SEMA4A: variants seen among roughly 807,000 people sequenced by gnomAD.
SEMA4A encodes the protein semaphorin-4A.
Under a neutral mutation model 72.5 loss-of-function variants are expected in SEMA4A, and 52 were observed. The ratio of observed to expected loss-of-function variants is 0.72; its 90% CI spans 0.57 to 0.90. SEMA4A has a LOEUF of 0.90. Ranked by LOEUF, SEMA4A falls within the 40% of genes least tolerant of loss-of-function variation. The pLI is 0.00. For missense variants in SEMA4A, 926 were observed against 959.7 expected, an observed-to-expected ratio of 0.96 and a Z score of 0.46; for synonymous variants, 369 against 393.1, an observed-to-expected ratio of 0.94 and a Z score of 0.73.
At chr1:156,151,533 C>T (rs1558142594), upstream of SEMA4A, among the ~76,000 whole-genome samples, 3 of 152,112 alleles carry the variant, frequency 2.0e-5, no homozygotes, top group Non-Finnish European at 4.4e-5. Context: ...TAAGCTTGCC[C>T]ATAAGGGCCA....
intron 11 of SEMA4A, among the ~76,000 whole-genome samples, chr1:156,174,381 G>C (rs1185787502): frequency 1.3e-5 from 2 of 152,184 alleles, no homozygotes; most frequent in Non-Finnish European, 2.9e-5. Flanking sequence ...AAATTACATG[G>C]CACATCATGA....
intron 10 of SEMA4A, among the ~76,000 whole-genome samples, chr1:156,168,134 G>A (rs1654354671): frequency 6.6e-6 from 1 of 152,066 alleles, no homozygotes; most frequent in African/African-American, 2.4e-5. Flanking sequence ...ATGTTGGCCA[G>A]GCTGATCTTG....
intron 10 of SEMA4A, among the ~76,000 whole-genome samples, chr1:156,171,659 C>T (rs1014631120): frequency 6.6e-6 from 1 of 152,174 alleles, no homozygotes; most frequent in Non-Finnish European, 1.5e-5. Context: ...TCACTGCAAC[C>T]TCCGCCTCCC....
rs1653563488 is a variant in SEMA4A at position 156,161,030 on chromosome 1, G to A, written c.810+1G>A. 4 of 1,541,320 alleles carry A rather than the reference G, an allele frequency of 2.6e-6. No individual in the cohort carries two copies. In the East Asian group the frequency reaches 9.8e-5, roughly 38 times the overall value. ...ATCGCGGGTGGCTAGAGTCTGCAAGGTCCGCGGCCTGGGCGGGGGGCGGGG... is the reference window on the plus strand; with the variant it reads ...ATCGCGGGTGGCTAGAGTCTGCAAGATCCGCGGCCTGGGCGGGGGGCGGGG... On this transcript the variant is annotated splice_donor_variant, in intron 8 of 14. Transcript: ENST00000368285. LOFTEE classifies it high-confidence loss of function.
At chr1:156,163,208 A>G (rs1335700874) in intron 10 of SEMA4A, 114 bp downstream of exon 10, 4 of 1,198,366 alleles carry the variant, frequency 3.3e-6, no homozygotes, top group Non-Finnish European at 3.6e-6. Flanking sequence ...CACCCCACCA[A>G]TCTCGCCTGC....
intron 10 of SEMA4A, among the ~76,000 whole-genome samples, chr1:156,167,961 C>A (rs951088633): frequency 6.6e-6 from 1 of 152,134 alleles, no homozygotes; most frequent in Non-Finnish European, 1.5e-5. Flanking sequence ...CACTCTGTTG[C>A]CCAGGCTGGA....
chr1:156,167,403 T>C (rs1372807284), intron 10 of SEMA4A, among the ~76,000 whole-genome samples: 3 of 141,584 alleles, frequency 2.1e-5, no homozygotes, highest in African/African-American at 8.0e-5. Flanking sequence ...AGTAGGAGGA[T>C]CACTTGAGCC....
intron 7 of SEMA4A, 64 bp from the exon 8 acceptor site, chr1:156,160,841 C>T: frequency 1.1e-5 from 17 of 1,610,600 alleles, no homozygotes; most frequent in Non-Finnish European, 1.3e-5. Flanking sequence ...CAACGGTTTT[C>T]ACTCAGGCAA....
upstream of SEMA4A, among the ~76,000 whole-genome samples, chr1:156,151,365 G>C (rs979959078): frequency 1.2e-4 from 19 of 152,230 alleles, no homozygotes; most frequent in African/African-American, 4.1e-4. Context: ...CTTGGGGTCT[G>C]ACCCCAGAGA....
chr1:156,154,763 G>A (rs1474069285), intron 2 of SEMA4A, 46 bp downstream of exon 2: 2 of 1,555,498 alleles, frequency 1.3e-6, no homozygotes. Context: ...ATAGAGAGCT[G>A]GAGGTGGGTG....
chr1:156,175,167 T>A lies in SEMA4A; in HGVS notation c.1516T>A (p.Cys506Ser). The A allele has an allele frequency of 6.2e-7, 1 of 1,614,178 alleles. No individual in the cohort carries two copies. The highest frequency in any genetic ancestry group is 8.5e-7 in the Non-Finnish European group (1 of 1,180,010). The change falls in exon 13 of 15, where the codon TGT (cysteine) becomes AGT (serine). Residue 506 changes from cysteine to serine, a missense_variant. Physicochemically the swap from Cys to Ser is moderately radical, Grantham distance 112 (BLOSUM62 -1). Transcript: ENST00000368285. ...NCSVYESCVD[C>S]VLARDPHCAW... ...TAGTGTCTATGAGAGCTGTGTGGACTGTGTCCTTGCCCGGGACCCCCACTG... is the reference window on the plus strand; with the variant it reads ...TAGTGTCTATGAGAGCTGTGTGGACAGTGTCCTTGCCCGGGACCCCCACTG...
intron 10 of SEMA4A, among the ~76,000 whole-genome samples, chr1:156,165,711 A>G (rs1654089151): frequency 6.6e-6 from 1 of 151,462 alleles, no homozygotes; most frequent in Admixed American, 6.6e-5. Context: ...CCTTATAGGC[A>G]GTGTACCTCA....
In SEMA4A at chr1:156,176,512, G is replaced by A. The variant is rs1045002782; in HGVS notation, c.1801G>A (p.Ala601Thr). ...WSHGPAAVPEASSTVYNGSLL... is the reference protein window; with the variant it reads ...WSHGPAAVPETSSTVYNGSLL... ...TCATGGCCCAGCAGCAGTCCCAGAA[G>A]CCTCTTCCACTGTCTACAATGGCTC... The change falls in exon 15 of 15, where the codon GCC (alanine) becomes ACC (threonine). Residue 601 changes from alanine to threonine, a missense_variant. By Grantham distance (58) the Ala-to-Thr change is moderately conservative (BLOSUM62 0). Coordinates refer to ENST00000368285, the MANE Select transcript of SEMA4A (RefSeq NM_022367.4). 1 of 1,614,064 alleles carries A rather than the reference G, an allele frequency of 6.2e-7. No homozygotes were observed. Among genetic ancestry groups the A allele is most frequent in the African/African-American group, 1.3e-5 (1 of 74,916 alleles).
At chr1:156,151,744 G>A (rs1652548858), upstream of SEMA4A, among the ~76,000 whole-genome samples, 1 of 148,630 alleles carries the variant, frequency 6.7e-6, no homozygotes, top group Non-Finnish European at 1.5e-5. Context: ...GCTGAGGCAG[G>A]AGAATGGCTT....
At position 156,176,932 on chromosome 1, in the gene SEMA4A, G is replaced by A; in HGVS notation, c.2221G>A (p.Glu741Lys). 1 of 1,614,138 alleles carries A rather than the reference G, an allele frequency of 6.2e-7. No individual in the cohort carries two copies. Among genetic ancestry groups the A allele is most frequent in the Non-Finnish European group, 8.5e-7 (1 of 1,180,040 alleles). ...AGAGCAACACCTCCAGTCTCCCAAG[G>A]AATGCAGGACCTCTGCCAGTGATGT... ...SREQHLQSPK[E>K]CRTSASDVDA... Residue 741 changes from glutamate to lysine, a missense_variant, in exon 15 of 15, where the codon GAA becomes AAA. Transcript: ENST00000368285.
At chr1:156,156,829 C>T (rs1487951670) in intron 3 of SEMA4A, among the ~76,000 whole-genome samples, 1 of 151,104 alleles carries the variant, frequency 6.6e-6, no homozygotes, top group Non-Finnish European at 1.5e-5. Flanking sequence ...CTGCAACCTC[C>T]GCCTCCCAGG....
Position 156,175,262 on chromosome 1 carries a change from T to A in SEMA4A, c.1592+19T>A. ...CCAACCTGTGAGTGCCAGTCCTGGA[T>A]GGTGGCCTGGATGGCCAGCCAGGAC... On this transcript the variant is annotated intron_variant, in intron 13 of 14. Transcript: ENST00000368285. 5.0e-6 allele frequency: 8 copies of A among 1,601,846 alleles called. No homozygotes were observed. Among genetic ancestry groups the A allele is most frequent in the Non-Finnish European group, 6.8e-6 (8 of 1,173,354 alleles).
intron 6 of SEMA4A, among the ~76,000 whole-genome samples, chr1:156,159,965 A>C (rs1052272230): frequency 2.0e-5 from 3 of 150,344 alleles, no homozygotes; most frequent in Non-Finnish European, 4.4e-5. Context: ...GTATCAATGC[A>C]CTACTGGACA....
intron 6 of SEMA4A, chr1:156,159,030 T>TC (rs1653326645): frequency 5.4e-6 from 1 of 186,282 alleles, no homozygotes; most frequent in African/African-American, 3.9e-5. Flanking sequence ...CGAGATCGTC[T>TC]CAAAAAAAAA....
Sources: allele counts gnomAD v4.1 joint callset (sites outside exome capture counted in the v4.1 genomes callset), GRCh38; gene constraint gnomAD v4.1.1; transcripts MANE v1.5; gene names NCBI Gene and HGNC (gene_info 2026-07-23, HGNC 2026-07-21).